The following HECW1 variants were observed in gnomAD, a reference collection of about 807,000 sequenced individuals.
HECW1 encodes E3 ubiquitin-protein ligase HECW1.
Under a neutral mutation model 182.3 loss-of-function variants are expected in HECW1, and 61 were observed. The observed-to-expected ratio is 0.33, with a 90% CI of 0.27 to 0.41. The LOEUF (loss-of-function observed/expected upper bound fraction) is 0.41, where lower values mean the gene tolerates loss of function less well. Ranked by LOEUF, HECW1 falls within the 10% of genes least tolerant of loss-of-function variation. The probability of loss-of-function intolerance (pLI) is 1.00; values close to 1 mark genes in which losing one functional copy is unlikely to be tolerated. For synonymous variants in HECW1, 859 were observed against 832.6 expected (o/e 1.03, Z -0.55); for missense variants, 1,739 against 2,108.9 (o/e 0.82, Z 3.44).
Position 43,432,007 on chromosome 7 carries a change from T to TA in HECW1, c.802-5996_802-5995insA, listed in dbSNP as rs2076564646. Among the ~76,000 whole-genome samples, 1 of 152,032 alleles carries TA rather than the reference T, an allele frequency of 6.6e-6. No individual in the cohort carries two copies. Among genetic ancestry groups the TA allele is most frequent in the African/African-American group, 2.4e-5 (1 of 41,382 alleles). ...CATGCCTGGCTAATTTTTGTAGTTT[T>TA]TAGTAGAGATGGGGGTTTCACCATC... is the stretch of plus-strand genomic sequence containing the variant. On this transcript the variant is annotated intron_variant, in intron 8 of 29. Coordinates refer to ENST00000395891, the MANE Select transcript of HECW1 (RefSeq NM_015052.5). The surrounding 1 kb of genome is among the most constrained non-coding windows in gnomAD (Gnocchi z 4.1).
chr7:43,297,993 G>C (rs1198876529), intron 3 of HECW1, among the ~76,000 whole-genome samples: 1 of 152,168 alleles, frequency 6.6e-6, no homozygotes, highest in East Asian at 1.9e-4. Flanking sequence ...AGGATAGCTT[G>C]AGCCAGGAAT....
intron 3 of HECW1, among the ~76,000 whole-genome samples, chr7:43,294,181 CTT>C (rs1162147104): frequency 6.6e-6 from 1 of 152,194 alleles, no homozygotes; most frequent in Non-Finnish European, 1.5e-5. Context: ...TTTCCAAACA[CTT>C]TGAGCTGCTC....
intron 21 of HECW1, among the ~76,000 whole-genome samples, chr7:43,505,072 C>T (rs2079522599): frequency 6.6e-6 from 1 of 152,188 alleles, no homozygotes; most frequent in African/African-American, 2.4e-5. Flanking sequence ...CTGGCCATTC[C>T]CGCAGCCTCA....
chr7:43,442,446 C>A, intron 9 of HECW1, 83 bp from the exon 10 acceptor site: 1 of 955,342 alleles, frequency 1.0e-6, no homozygotes, highest in Non-Finnish European at 1.7e-6. Flanking sequence ...GCCTGCCTCA[C>A]CCACTGGTAT....
intron 2 of HECW1, among the ~76,000 whole-genome samples, chr7:43,182,405 A>G (rs189147127): frequency 6.6e-6 from 1 of 152,320 alleles, no homozygotes; most frequent in Admixed American, 6.5e-5. Context: ...TTTACTGAAA[A>G]GATTGTCCTT....
In HECW1 at chr7:43,488,398, G is replaced by GA. The variant is rs1563045335; in HGVS notation, c.3235-3677_3235-3676insA. Among the ~76,000 whole-genome samples, 179 of 83,894 alleles carry GA rather than the reference G, an allele frequency of 2.1e-3. 6 individuals are homozygous for GA. Among genetic ancestry groups the GA allele is most frequent in the Non-Finnish European group, 2.9e-3 (126 of 42,950 alleles). 55.0% of individuals were successfully genotyped at this position (83,894 alleles called of 152,430 possible). On this transcript the variant is annotated intron_variant, in intron 17 of 29. Coordinates refer to ENST00000395891, the MANE Select transcript of HECW1 (RefSeq NM_015052.5). Reference sequence around the variant, plus strand: ...AGGAAGGAAGGAAGGAAGGAAGGAAGGAAATGAAAGAAAGAGAGAGAGAGA... The same window carrying GA: ...AGGAAGGAAGGAAGGAAGGAAGGAAGAGAAATGAAAGAAAGAGAGAGAGAGA...
intron 2 of HECW1, among the ~76,000 whole-genome samples, chr7:43,161,043 C>T (rs1189958834): frequency 2.0e-5 from 3 of 151,866 alleles, no homozygotes; most frequent in African/African-American, 7.3e-5. Context: ...GTGTGTGAGT[C>T]CCCTGGGTCC....
At chr7:43,464,319 T>C (rs753723950) in intron 14 of HECW1, among the ~76,000 whole-genome samples, 83 of 152,320 alleles carry the variant, frequency 5.4e-4, no homozygotes, top group Non-Finnish European at 8.1e-4. Context: ...TAAAATTCAG[T>C]TCCCCCAAGA....
intron 5 of HECW1, among the ~76,000 whole-genome samples, chr7:43,335,770 TTC>T (rs1320043836): frequency 2.5e-5 from 3 of 118,132 alleles, no homozygotes; most frequent in African/African-American, 1.0e-4. Context: ...TCTTTCTTTT[TTC>T]TTTCTTCCTT....
intron 2 of HECW1, among the ~76,000 whole-genome samples, chr7:43,179,867 AC>A (rs879672920): frequency 4.5e-4 from 69 of 152,168 alleles, no homozygotes; most frequent in South Asian, 8.3e-4. Flanking sequence ...ATGTAAATCG[AC>A]CCTGAAAGGT....
At chr7:43,306,236 T>C (rs1159999656) in intron 3 of HECW1, among the ~76,000 whole-genome samples, 4 of 152,246 alleles carry the variant, frequency 2.6e-5, no homozygotes, top group Admixed American at 2.0e-4. Flanking sequence ...GTCCGCTGCA[T>C]AGAGCAAATG....
chr7:43,163,224 C>G (rs1029453180), intron 2 of HECW1: 1 of 152,254 alleles, frequency 6.6e-6, no homozygotes, highest in Non-Finnish European at 1.5e-5. Flanking sequence ...CGTTGCCAAG[C>G]TATTGGAAGA....
chr7:43,407,421 C>T (rs2075647868), intron 7 of HECW1, 141 bp from the exon 8 acceptor site: 6 of 614,876 alleles, frequency 9.8e-6, no homozygotes, highest in Non-Finnish European at 1.7e-5. Context: ...CTCCTTCACC[C>T]CAGCCTGTTT....
intron 7 of HECW1, among the ~76,000 whole-genome samples, chr7:43,398,775 TCA>T (rs2075313090): frequency 6.6e-6 from 1 of 152,196 alleles, no homozygotes; most frequent in African/African-American, 2.4e-5. Context: ...ATCACTCAAA[TCA>T]GTCTCCCCGA....
In HECW1 at chr7:43,442,630, G is replaced by T; in HGVS notation, c.1045+1G>T. The T allele has an allele frequency of 6.2e-7, 1 of 1,602,874 alleles. No homozygotes were observed. Among genetic ancestry groups the T allele is most frequent in the Non-Finnish European group, 8.5e-7 (1 of 1,170,106 alleles). On this transcript the variant is annotated splice_donor_variant, in intron 10 of 29. Transcript: ENST00000395891. LOFTEE classifies it high-confidence loss of function. Reference sequence around the variant, plus strand: ...GAGATCACTTCCTCCATCCACCCAGGTATTTTCAGCATGAACTTCATGTCT... The same window carrying T: ...GAGATCACTTCCTCCATCCACCCAGTTATTTTCAGCATGAACTTCATGTCT...
chr7:43,164,259 T>C (rs1176977349), intron 2 of HECW1, among the ~76,000 whole-genome samples: 3 of 152,220 alleles, frequency 2.0e-5, no homozygotes, highest in Non-Finnish European at 2.9e-5. Flanking sequence ...GGCTCAGCCA[T>C]TGGCACTTAA....
chr7:43,140,155 A>G (rs1262152303), intron 2 of HECW1, among the ~76,000 whole-genome samples: 1 of 152,090 alleles, frequency 6.6e-6, no homozygotes, highest in Non-Finnish European at 1.5e-5. Context: ...AAACTTTGGA[A>G]TTTTGGATTC....
chr7:43,434,436 C>G (rs1414528761), intron 8 of HECW1, among the ~76,000 whole-genome samples: 2 of 152,216 alleles, frequency 1.3e-5, no homozygotes, highest in Non-Finnish European at 2.9e-5. Context: ...ATAACAGAGT[C>G]CAGAACTTGG....
At chr7:43,528,229 T>C (rs2080838455) in intron 24 of HECW1, among the ~76,000 whole-genome samples, 1 of 152,120 alleles carries the variant, frequency 6.6e-6, no homozygotes, top group South Asian at 2.1e-4. Context: ...TAAAGAATAT[T>C]TGGAAGCTAA....
Sources: allele counts gnomAD v4.1 joint callset (sites outside exome capture counted in the v4.1 genomes callset), GRCh38; gene constraint gnomAD v4.1.1; non-coding constraint Gnocchi (gnomAD v3.1); transcripts MANE v1.5; gene names NCBI Gene and HGNC (gene_info 2026-07-23, HGNC 2026-07-21).